PTPRB: variants seen among roughly 807,000 people sequenced by gnomAD.
The protein encoded by PTPRB is protein tyrosine phosphatase receptor type B, also known as receptor-type tyrosine-protein phosphatase beta.
A neutral mutation model predicts 238.1 loss-of-function variants in PTPRB; 97 were observed. That is an observed-to-expected ratio of 0.41 (90% confidence interval 0.35 to 0.48). The LOEUF is 0.48. PTPRB is among the 20% of genes least tolerant of loss of function. The pLI is 0.30. For missense variants in PTPRB, 2,292 were observed against 2,681.9 expected, an observed-to-expected ratio of 0.85 and a Z score of 3.21; for synonymous variants, 970 against 995.4, an observed-to-expected ratio of 0.97 and a Z score of 0.48.
Position 70,594,385 on chromosome 12 carries a change from G to T in PTPRB, c.1516+82C>A. 2.0e-6 allele frequency: 3 copies of T among 1,527,500 alleles called. No homozygotes were observed. In the South Asian group the frequency reaches 3.7e-5, roughly 19 times the overall value. The allele number at this position is 1,527,500 out of a possible 1,614,324, so 94.6% of individuals were successfully genotyped here. A position where few individuals can be genotyped will look rare whatever the true frequency, so the allele number is the denominator to read the frequency against. The stretch of plus-strand genomic sequence containing the variant: ...GAATTTCAATTTGTCCTATATTACA[G>T]TTATTCATATAATAAACTTGACTTA... On this transcript the variant is annotated intron_variant, in intron 6 of 33. Coordinates refer to ENST00000334414, the MANE Select transcript of PTPRB (RefSeq NM_001109754.4).
rs1871171354 is a variant in PTPRB at position 70,515,912 on chromosome 12, T to G, written c.*5577A>C. On this transcript the variant is annotated 3_prime_UTR_variant, in exon 34 of 34. Transcript: ENST00000334414. Reference sequence around the variant, plus strand: ...TTATTCCTGTACTAGTGAGAATGTATGCAAGATGCTATATAGATTTTTTTT... The same window carrying G: ...TTATTCCTGTACTAGTGAGAATGTAGGCAAGATGCTATATAGATTTTTTTT... The G allele has an allele frequency of 7.1e-6, 1 of 141,316 alleles. No homozygotes were observed. The highest frequency in any genetic ancestry group is 7.5e-5 in the Admixed American group (1 of 13,382). The allele number at this position is 141,316 out of a possible 1,614,324, so 8.8% of individuals were successfully genotyped here.
intron 18 of PTPRB, 101 bp downstream of exon 18, chr12:70,559,242 T>C (rs993796240): frequency 1.6e-6 from 2 of 1,273,002 alleles, no homozygotes; most frequent in African/African-American, 2.9e-5. Flanking sequence ...ACCAATCCCA[T>C]GTAAAAATAT....
chr12:70,586,334 G>A (rs937886634), intron 9 of PTPRB, among the ~76,000 whole-genome samples: 12 of 152,046 alleles, frequency 7.9e-5, no homozygotes, highest in East Asian at 3.9e-4. Context: ...TTTAATGATC[G>A]CCATTCTAAC....
chr12:70,592,703 A>G (rs983003954), intron 6 of PTPRB, among the ~76,000 whole-genome samples, 158 bp from the exon 7 acceptor site: 1 of 152,274 alleles, frequency 6.6e-6, no homozygotes, highest in African/African-American at 2.4e-5. Flanking sequence ...CAGATGGTGA[A>G]AAAATAAAAA....
intron 12 of PTPRB, 70 bp downstream of exon 12, chr12:70,571,754 A>C (rs1880075847): frequency 6.6e-7 from 1 of 1,514,520 alleles, no homozygotes; most frequent in African/African-American, 1.4e-5. Flanking sequence ...GAAAAAATTC[A>C]AGGTTCAGAT....
At chr12:70,570,386 G>A (rs368265867) in intron 13 of PTPRB, among the ~76,000 whole-genome samples, 3 of 151,968 alleles carry the variant, frequency 2.0e-5, no homozygotes, top group African/African-American at 7.3e-5. Flanking sequence ...TCTGTCTGTT[G>A]TCCAGGCTGG....
Position 70,576,506 on chromosome 12 carries a change from A to G in PTPRB, c.2718T>C (p.Leu906=), listed in dbSNP as rs1460466376. 7 of 1,576,036 alleles carry G rather than the reference A, an allele frequency of 4.4e-6. No individual in the cohort carries two copies. The highest frequency in any genetic ancestry group is 6.0e-6 in the Non-Finnish European group (7 of 1,159,008). Residue 906 remains leucine, a synonymous_variant, in exon 11 of 34, where the codon CTT becomes CTC. Coordinates refer to ENST00000334414, the MANE Select transcript of PTPRB (RefSeq NM_001109754.4). The part of the protein sequence containing the change: ...LSHDGKVVQS[L]VIAKSVRECS... ...ATTCTCTGACAGACTTGGCAATGAC[A>G]AGGGACTGAACCACCTTGCCGTCAT...
chr12:70,555,499 A>G (rs1416914076), intron 19 of PTPRB, among the ~76,000 whole-genome samples, 190 bp from the exon 20 acceptor site: 2 of 152,216 alleles, frequency 1.3e-5, no homozygotes, highest in African/African-American at 4.8e-5. Context: ...AGAGGAAGTG[A>G]TTTGCCAGTG....
At chr12:70,536,004 C>G (rs779714075) in intron 29 of PTPRB, 21 bp downstream of exon 29, 55 of 1,609,432 alleles carry the variant, frequency 3.4e-5, no homozygotes, top group Admixed American at 1.0e-4. Context: ...AGCTTTGATG[C>G]CAGGAAGGCT....
intron 4 of PTPRB, among the ~76,000 whole-genome samples, chr12:70,600,568 C>T (rs920070217): frequency 6.6e-6 from 1 of 152,230 alleles, no homozygotes; most frequent in Admixed American, 6.5e-5. Context: ...AAATCTAATT[C>T]TGTGAGCATG....
chr12:70,517,301 A>G lies in PTPRB; in HGVS notation c.*4188T>C, dbSNP rs949277710. The G allele has an allele frequency of 1.3e-5, 2 of 152,252 alleles. No homozygotes were observed. Among genetic ancestry groups the G allele is most frequent in the African/African-American group, 4.8e-5 (2 of 41,474 alleles). 9.4% of individuals were successfully genotyped at this position (152,252 alleles called of 1,614,324 possible). ...TAGAAACGTGTGACAGGATTGTCCA[A>G]GCACACCCAGGCCACACAGAAGAGA... On this transcript the variant is annotated 3_prime_UTR_variant, in exon 34 of 34. Transcript: ENST00000334414.
In PTPRB at chr12:70,570,324, T is replaced by C. The variant is rs529811465; in HGVS notation, c.3371-386A>G. Among the ~76,000 whole-genome samples the C allele has an allele frequency of 5.6e-4, 85 of 152,284 alleles. 2 individuals carry two copies. The South Asian group carries it at 0.017, about 30-fold the overall frequency. On this transcript the variant is annotated intron_variant, in intron 13 of 33. Coordinates refer to ENST00000334414, the MANE Select transcript of PTPRB (RefSeq NM_001109754.4). ...TAATACTAACCAGCCCATAGAGTTG[T>C]GAAGATTGATTCTTTTTTAATTTAA...
Position 70,555,923 on chromosome 12 carries a change from G to A in PTPRB, c.4940C>T (p.Ser1647Leu), listed in dbSNP as rs751442503. ...AACCACCTCGCTGGTCATGCCGGCC[G>A]ACTGCACTTTGATGGACACCAGGTA... ...KRYLVSIKVQ[S>L]AGMTSEVVED... Residue 1647 changes from serine to leucine, a missense_variant, in exon 19 of 34, where the codon TCG becomes TTG. By Grantham distance (145) the Ser-to-Leu change is moderately radical. Transcript: ENST00000334414. The A allele has an allele frequency of 5.0e-5, 80 of 1,613,598 alleles. No homozygotes were observed. The highest frequency in any genetic ancestry group is 6.4e-5 in the Non-Finnish European group (75 of 1,179,892).
chr12:70,575,801 A>G (rs11615170), intron 11 of PTPRB, among the ~76,000 whole-genome samples: 31,274 of 152,142 alleles, frequency 0.21, 3,412 homozygotes, highest in African/African-American at 0.24. Context: ...CTGAACATTC[A>G]TTTCCTTTGC....
At chr12:70,528,904 C>A (rs2717439) in intron 32 of PTPRB, among the ~76,000 whole-genome samples, 1 of 152,072 alleles carries the variant, frequency 6.6e-6, no homozygotes, top group Non-Finnish European at 1.5e-5. Flanking sequence ...TTGTTGTTTT[C>A]TGTTTTGAAA....
intron 9 of PTPRB, among the ~76,000 whole-genome samples, 172 bp from the exon 10 acceptor site, chr12:70,581,474 G>C (rs1330437060): frequency 6.6e-6 from 1 of 152,148 alleles, no homozygotes; most frequent in Non-Finnish European, 1.5e-5. Context: ...TACTCCTCTA[G>C]AGAGGCTCTA....
intron 11 of PTPRB, among the ~76,000 whole-genome samples, chr12:70,574,282 G>A (rs1287039553): frequency 6.6e-6 from 1 of 152,182 alleles, no homozygotes; most frequent in Non-Finnish European, 1.5e-5. Flanking sequence ...CCTGCAAGTT[G>A]CATTAGCATC....
rs777280017 is a variant in PTPRB, at chr12:70,571,953, T to C, written c.2977A>G (p.Thr993Ala). The C allele has an allele frequency of 5.6e-6, 9 of 1,613,864 alleles. No individual in the cohort carries two copies. In the East Asian group the frequency reaches 1.3e-4, roughly 24 times the overall value. ...TIKNKNNFIQ[T>A]KSIPKSENEC... ...TTTTCTGACTTGGGAATGCTTTTAGTTTGAATGAAGTTGTTTTTGTTTTTA... is the reference window on the plus strand; with the variant it reads ...TTTTCTGACTTGGGAATGCTTTTAGCTTGAATGAAGTTGTTTTTGTTTTTA... Residue 993 changes from threonine to alanine, a missense_variant, in exon 12 of 34, where the codon ACT (threonine) becomes GCT (alanine). Physicochemically the swap from Thr to Ala is moderately conservative, Grantham distance 58. Around this residue, in one of 4 missense-constraint regions of PTPRB, gnomAD observed 1,205 missense variants for 1,287.8 expected, o/e 0.94. Coordinates refer to ENST00000334414, the MANE Select transcript of PTPRB (RefSeq NM_001109754.4).
chr12:70,593,144 C>T (rs1017724509), intron 6 of PTPRB, among the ~76,000 whole-genome samples: 1 of 152,144 alleles, frequency 6.6e-6, no homozygotes, highest in Non-Finnish European at 1.5e-5. Context: ...ACTACTTCAT[C>T]AGAGGAAAAT....
Sources: allele counts gnomAD v4.1 joint callset (sites outside exome capture counted in the v4.1 genomes callset), GRCh38; gene constraint gnomAD v4.1.1; regional missense constraint gnomAD v4.1.1; transcripts MANE v1.5; gene names NCBI Gene and HGNC (gene_info 2026-07-23, HGNC 2026-07-21).